Variants in ALPK1 observed in about 807,000 individuals in gnomAD.
ALPK1 encodes the protein alpha-protein kinase 1.
Under a neutral mutation model 120.6 loss-of-function variants are expected in ALPK1, and 110 were observed. The observed-to-expected ratio is 0.91, with a 90% confidence interval of 0.78 to 1.07. The LOEUF is 1.07. ALPK1 is among the 50% of genes least tolerant of loss of function. ALPK1 has a pLI of 0.00. For missense variants in ALPK1, 1,498 were observed against 1,483.9 expected, an observed-to-expected ratio of 1.01 and a Z score of -0.16; for synonymous variants, 582 against 560.3, an observed-to-expected ratio of 1.04 and a Z score of -0.55.
chr4:112,437,350 A>G (rs561663584), intron 12 of ALPK1, among the ~76,000 whole-genome samples: 8 of 152,274 alleles, frequency 5.3e-5, no homozygotes, highest in African/African-American at 7.2e-5. Flanking sequence ...ATCCTCACTA[A>G]AGAAAAATGA....
chr4:112,366,595 G>A (rs984605119), intron 2 of ALPK1, among the ~76,000 whole-genome samples: 1 of 152,186 alleles, frequency 6.6e-6, no homozygotes, highest in African/African-American at 2.4e-5. Flanking sequence ...ATTTTACACT[G>A]CTGGTGGGAA....
chr4:112,400,649 T>C (rs1401352148), intron 4 of ALPK1, among the ~76,000 whole-genome samples: 3 of 152,188 alleles, frequency 2.0e-5, no homozygotes, highest in Admixed American at 1.3e-4. Context: ...GGGATGCCAG[T>C]AAATAACATT....
rs544012199 is a variant in ALPK1 at position 112,425,703 on chromosome 4, G to T, written c.574G>T (p.Val192Leu). 2.5e-6 allele frequency: 4 copies of T among 1,613,240 alleles called. No homozygotes were observed. The Admixed American group carries it at 6.7e-5, about 27-fold the overall frequency. The change falls in exon 7 of 16, where the codon GTG (valine) becomes TTG (leucine). Residue 192 changes from valine to leucine, a missense_variant. Coordinates refer to ENST00000650871, the MANE Select transcript of ALPK1 (RefSeq NM_025144.4). Reference protein sequence around the residue: ...LYRNESDKVLVQSVCIQIRGQ... With the variant: ...LYRNESDKVLLQSVCIQIRGQ... ...CAGAAATGAAAGTGACAAGGTCCTG[G>T]TGCAGTCGGTCTGTATACAGATCAG...
At chr4:112,335,655 C>T (rs989527126) in intron 2 of ALPK1, among the ~76,000 whole-genome samples, 2 of 152,052 alleles carry the variant, frequency 1.3e-5, no homozygotes, top group Non-Finnish European at 2.9e-5. Context: ...AATCTGGAGG[C>T]AAAAAATATA....
rs772436859 is a variant in ALPK1 at position 112,427,660 on chromosome 4, A to T, written c.790A>T (p.Asn264Tyr). 1.9e-6 allele frequency: 3 copies of T among 1,607,496 alleles called. No individual in the cohort carries two copies. The African/African-American group carries it at 4.0e-5, about 22-fold the overall frequency. ...YEKFKNNPQI[N>Y]LSLLKEFDHH... ...AAAGTTTAAAAACAATCCACAAATT[A>T]ATTTGGTAATTATCATAACACTGAG... Residue 264 changes from asparagine to tyrosine, a missense_variant, in exon 9 of 16, where the codon AAT becomes TAT. Coordinates refer to ENST00000650871, the MANE Select transcript of ALPK1 (RefSeq NM_025144.4).
chr4:112,414,186 A>G, intron 5 of ALPK1: 2 of 446,664 alleles, frequency 4.5e-6, no homozygotes, highest in Non-Finnish European at 4.6e-6. Flanking sequence ...GAGGTAAGGA[A>G]GAAAAACAAA....
chr4:112,308,749 G>A (rs536818821), intron 1 of ALPK1, among the ~76,000 whole-genome samples: 6 of 152,178 alleles, frequency 3.9e-5, no homozygotes, highest in South Asian at 2.1e-4. Context: ...CTCTGAACTC[G>A]TCAAAGTCAT....
intron 5 of ALPK1, chr4:112,414,252 G>A (rs762768195): frequency 4.1e-6 from 2 of 490,652 alleles, no homozygotes; most frequent in Admixed American, 4.2e-5. Context: ...GCGCTTCCTG[G>A]TATCCACCAC....
chr4:112,410,675 T>G (rs1733413563), intron 4 of ALPK1, among the ~76,000 whole-genome samples: 1 of 152,232 alleles, frequency 6.6e-6, no homozygotes, highest in African/African-American at 2.4e-5. Flanking sequence ...TTTATGCTAC[T>G]AGCTACGTAA....
chr4:112,308,507 A>G (rs1728228133), intron 1 of ALPK1, among the ~76,000 whole-genome samples: 1 of 151,958 alleles, frequency 6.6e-6, no homozygotes, highest in African/African-American at 2.4e-5. Context: ...TTGATCTTCA[A>G]TCACTGATAC....
chr4:112,357,429 C>T, intron 2 of ALPK1: 1 of 699,190 alleles, frequency 1.4e-6, no homozygotes, highest in Non-Finnish European at 2.6e-6. Context: ...GTGGTTCAGC[C>T]ATCTGATGCC....
chr4:112,381,031 A>G (rs1254108439), intron 3 of ALPK1, among the ~76,000 whole-genome samples: 2 of 152,220 alleles, frequency 1.3e-5, no homozygotes, highest in African/African-American at 4.8e-5. Context: ...GGGGAAGTCA[A>G]TCCAAAGAGC....
At chr4:112,320,684 G>A (rs930455799) in intron 2 of ALPK1, among the ~76,000 whole-genome samples, 1 of 151,678 alleles carries the variant, frequency 6.6e-6, no homozygotes, top group Non-Finnish European at 1.5e-5. Flanking sequence ...TTTTTTTGTT[G>A]GTGGCTTTTT....
chr4:112,424,790 C>T (rs1734164302), intron 6 of ALPK1, among the ~76,000 whole-genome samples: 1 of 152,136 alleles, frequency 6.6e-6, no homozygotes. Context: ...CACACGCACG[C>T]ACACAAGGAT....
chr4:112,394,547 G>C (rs1418359536), intron 4 of ALPK1, among the ~76,000 whole-genome samples: 1 of 152,186 alleles, frequency 6.6e-6, no homozygotes, highest in Non-Finnish European at 1.5e-5. Context: ...CTTTAAGGTA[G>C]AGTCTGATTA....
intron 2 of ALPK1, 78 bp from the exon 3 acceptor site, chr4:112,377,600 T>C (rs918595581): frequency 1.8e-6 from 1 of 555,968 alleles, no homozygotes; most frequent in Non-Finnish European, 3.0e-6. Flanking sequence ...GTTTGCCCTA[T>C]TATCCCTCCC....
At chr4:112,412,594 G>GT in intron 5 of ALPK1, 1 of 389,976 alleles carries the variant, frequency 2.6e-6, no homozygotes, top group Non-Finnish European at 5.1e-6. Flanking sequence ...AAGATGTGGT[G>GT]TGGAAGAGGG....
intron 2 of ALPK1, among the ~76,000 whole-genome samples, chr4:112,345,211 T>C (rs916188986): frequency 6.6e-6 from 1 of 152,250 alleles, no homozygotes; most frequent in Non-Finnish European, 1.5e-5. Context: ...CCCATACTAA[T>C]GGCTTTGAAG....
intron 5 of ALPK1, chr4:112,414,685 A>G (rs746702526): frequency 6.1e-6 from 1 of 163,860 alleles, no homozygotes; most frequent in Non-Finnish European, 1.4e-5. Flanking sequence ...AAAACCTTTC[A>G]AACCACAGTT....
Sources: allele counts gnomAD v4.1 joint callset (sites outside exome capture counted in the v4.1 genomes callset), GRCh38; gene constraint gnomAD v4.1.1; transcripts MANE v1.5; gene names NCBI Gene and HGNC (gene_info 2026-07-23, HGNC 2026-07-21).